ITGA9: variants seen among roughly 807,000 people sequenced by gnomAD.
ITGA9 encodes the protein integrin alpha-9.
In ITGA9, 56 loss-of-function variants were observed where a neutral mutation model predicts 127.8. The observed-to-expected ratio is 0.44, with a 90% confidence interval of 0.35 to 0.55. The LOEUF is 0.55. Among genes scored for constraint, ITGA9 ranks in the 20% least tolerant of loss-of-function variants. The pLI, the probability that ITGA9 is intolerant of heterozygous loss-of-function variation, is 0.00. For synonymous variants in ITGA9, 508 were observed against 514.5 expected (o/e 0.99, Z 0.17); for missense variants, 1,196 against 1,347.1 (o/e 0.89, Z 1.76).
intron 5 of ITGA9, among the ~76,000 whole-genome samples, chr3:37,496,033 G>C (rs1698724440): frequency 6.6e-6 from 1 of 152,132 alleles, no homozygotes; most frequent in Non-Finnish European, 1.5e-5. Flanking sequence ...CATGGGACAT[G>C]GGGGGTGGAG....
At chr3:37,553,206 C>A (rs1475397224) in intron 15 of ITGA9, among the ~76,000 whole-genome samples, 2 of 152,166 alleles carry the variant, frequency 1.3e-5, no homozygotes, top group Non-Finnish European at 2.9e-5. Flanking sequence ...TTATCCCTAA[C>A]ATCAGGGATA....
At chr3:37,666,479 G>GC (rs1420353030) in intron 17 of ITGA9, among the ~76,000 whole-genome samples, 1 of 152,134 alleles carries the variant, frequency 6.6e-6, no homozygotes, top group Non-Finnish European at 1.5e-5. Flanking sequence ...TCTCATTTGG[G>GC]CCCCCTCTTG....
chr3:37,588,784 T>G (rs1219949268), intron 15 of ITGA9, among the ~76,000 whole-genome samples: 1 of 152,182 alleles, frequency 6.6e-6, no homozygotes, highest in African/African-American at 2.4e-5. Context: ...CTCTGTCATT[T>G]TAGGGAGACT....
intron 19 of ITGA9, among the ~76,000 whole-genome samples, chr3:37,734,005 G>A (rs1370396411): frequency 6.6e-6 from 1 of 152,194 alleles, no homozygotes; most frequent in Non-Finnish European, 1.5e-5. Context: ...TACATATCAG[G>A]CACGTGTGGG....
chr3:37,652,054 G>T (rs1700433897), intron 16 of ITGA9, among the ~76,000 whole-genome samples: 1 of 152,074 alleles, frequency 6.6e-6, no homozygotes, highest in Non-Finnish European at 1.5e-5. Context: ...GTGATGAGGG[G>T]ACTGTACACT....
At position 37,722,931 on chromosome 3, in the gene ITGA9, T is replaced by C. The variant is rs1181128977; in HGVS notation, c.2068-9781T>C. Among the ~76,000 whole-genome samples, 3 of 152,234 alleles carry C rather than the reference T, an allele frequency of 2.0e-5. No homozygotes were observed. The East Asian group carries it at 5.8e-4, about 29-fold the overall frequency. ...GCCACTATACTATTTTACATTCCCA[T>C]CAGTAGTATGTAATGGTTCCAGTTT... is the stretch of plus-strand genomic sequence containing the variant. On this transcript the variant is annotated intron_variant, in intron 18 of 27. Coordinates refer to ENST00000264741, the MANE Select transcript of ITGA9 (RefSeq NM_002207.3).
At position 37,594,315 on chromosome 3, in the gene ITGA9, A is replaced by G. The variant is rs570752537; in HGVS notation, c.1690-34872A>G. Among the ~76,000 whole-genome samples, 3 of 152,292 alleles carry G rather than the reference A, an allele frequency of 2.0e-5. No individual in the cohort carries two copies. The South Asian group carries it at 6.2e-4, about 32-fold the overall frequency. ...ACTCACATCTCTGTCTGTGGGAAGC[A>G]GGGCAGAGTGAGGGAGAGTATGGCC... On this transcript the variant is annotated intron_variant, in intron 15 of 27. Coordinates refer to ENST00000264741, the MANE Select transcript of ITGA9 (RefSeq NM_002207.3).
At chr3:37,608,927 T>C (rs1699993384) in intron 15 of ITGA9, among the ~76,000 whole-genome samples, 1 of 152,182 alleles carries the variant, frequency 6.6e-6, no homozygotes, top group Non-Finnish European at 1.5e-5. Context: ...TTCCTTGCAC[T>C]GGAAGCTGGT....
chr3:37,631,235 A>G (rs1450368327), intron 16 of ITGA9, among the ~76,000 whole-genome samples: 1 of 152,196 alleles, frequency 6.6e-6, no homozygotes, highest in Non-Finnish European at 1.5e-5. Flanking sequence ...CCAGTGAGGT[A>G]GTCATCTACC....
At chr3:37,680,907 C>T (rs942093921) in intron 17 of ITGA9, among the ~76,000 whole-genome samples, 2 of 152,020 alleles carry the variant, frequency 1.3e-5, no homozygotes, top group Non-Finnish European at 2.9e-5. Flanking sequence ...TATTGGAGGC[C>T]GTTCAAGAAT....
At chr3:37,525,007 G>A (rs1301398071) in intron 12 of ITGA9, among the ~76,000 whole-genome samples, 5 of 152,220 alleles carry the variant, frequency 3.3e-5, no homozygotes, top group Non-Finnish European at 7.3e-5. Context: ...TTTGCCATTT[G>A]TTTTTCCCTA....
At chr3:37,453,642 C>T (rs1431060287) in intron 1 of ITGA9, among the ~76,000 whole-genome samples, 1 of 152,176 alleles carries the variant, frequency 6.6e-6, no homozygotes, top group African/African-American at 2.4e-5. Flanking sequence ...ATTCACCAGC[C>T]TGAGCGTCCT....
At chr3:37,618,738 C>T (rs545359308) in intron 15 of ITGA9, among the ~76,000 whole-genome samples, 2 of 152,358 alleles carry the variant, frequency 1.3e-5, no homozygotes, top group East Asian at 1.9e-4. Flanking sequence ...AGCAAGGCTC[C>T]GTGGGCGTAG....
chr3:37,721,708 C>T (rs987764460), intron 18 of ITGA9, among the ~76,000 whole-genome samples: 16 of 152,136 alleles, frequency 1.1e-4, no homozygotes, highest in Non-Finnish European at 1.9e-4. Context: ...TCCTTCCCAG[C>T]CTTGCCAGCC....
intron 15 of ITGA9, among the ~76,000 whole-genome samples, chr3:37,590,547 C>T (rs548591929): frequency 4.5e-4 from 69 of 152,346 alleles, no homozygotes; most frequent in Middle Eastern, 3.4e-3. Flanking sequence ...TTAGCTACGG[C>T]CACACCAGCC....
At chr3:37,559,835 G>A (rs1320095572) in intron 15 of ITGA9, among the ~76,000 whole-genome samples, 1 of 152,212 alleles carries the variant, frequency 6.6e-6, no homozygotes, top group Non-Finnish European at 1.5e-5. Flanking sequence ...GGGGCCCCAA[G>A]GCAGTGGTGC....
intron 9 of ITGA9, among the ~76,000 whole-genome samples, chr3:37,516,488 C>G (rs1352322424): frequency 2.0e-5 from 3 of 150,898 alleles, no homozygotes; most frequent in African/African-American, 7.5e-5. Flanking sequence ...GAGGAGCTGG[C>G]TGTACAGTAC....
chr3:37,611,351 G>A (rs1700014434), intron 15 of ITGA9, among the ~76,000 whole-genome samples: 1 of 152,128 alleles, frequency 6.6e-6, no homozygotes, highest in African/African-American at 2.4e-5. Context: ...GGAGCAGTGG[G>A]GACAGGAGGA....
chr3:37,551,081 A>G (rs1209390085), intron 15 of ITGA9, among the ~76,000 whole-genome samples: 2 of 152,222 alleles, frequency 1.3e-5, no homozygotes, highest in African/African-American at 4.8e-5. Flanking sequence ...ATAATAGGAA[A>G]GTAAATTTGT....
Sources: allele counts gnomAD v4.1 joint callset (sites outside exome capture counted in the v4.1 genomes callset), GRCh38; gene constraint gnomAD v4.1.1; transcripts MANE v1.5; gene names NCBI Gene and HGNC (gene_info 2026-07-23, HGNC 2026-07-21).